The following MID1 variants were observed in gnomAD, a reference collection of about 807,000 sequenced individuals.
MID1 encodes the protein E3 ubiquitin-protein ligase Midline-1.
A neutral mutation model predicts 40.4 loss-of-function variants in MID1; 7 were observed. That is an observed-to-expected ratio of 0.17 (90% CI 0.10 to 0.33). MID1 has a LOEUF of 0.33. Among genes scored for constraint, MID1 ranks in the 10% least tolerant of loss-of-function variants. The pLI, the probability that MID1 is intolerant of heterozygous loss-of-function variation, is 1.00. For missense variants in MID1, 367 were observed against 558.5 expected (o/e 0.66, Z 3.46); for synonymous variants, 229 against 221.2 (o/e 1.04, Z -0.31).
chrX:10,488,232 C>T (rs1930730394), intron 4 of MID1, among the ~76,000 whole-genome samples: 1 of 111,180 alleles, frequency 9.0e-6, no homozygotes, highest in Non-Finnish European at 1.9e-5. Context: ...AATCCACCTG[C>T]CTCGGCCTCC....
chrX:10,795,703 G>A (rs114500944), intron 1 of MID1, among the ~76,000 whole-genome samples: 3,578 of 112,240 alleles, frequency 0.032, 122 homozygotes, highest in African/African-American at 0.11. Context: ...AAAACAAGTC[G>A]TTTGTCTCTG....
At chrX:10,725,206 T>C (rs904063631) in intron 1 of MID1, among the ~76,000 whole-genome samples, 2 of 111,791 alleles carry the variant, frequency 1.8e-5, no homozygotes, top group African/African-American at 6.5e-5. Flanking sequence ...CTGTGTTCAC[T>C]TCAGAGCACT....
At chrX:10,633,556 A>G (rs1221889255) in intron 1 of MID1, among the ~76,000 whole-genome samples, 1 of 110,545 alleles carries the variant, frequency 9.0e-6, no homozygotes, top group Non-Finnish European at 1.9e-5. Context: ...GGCCCAAGCA[A>G]TCCTCCTACC....
At chrX:10,506,931 T>C (rs1931870408) in intron 3 of MID1, among the ~76,000 whole-genome samples, 1 of 111,832 alleles carries the variant, frequency 8.9e-6, no homozygotes, top group African/African-American at 3.3e-5. Flanking sequence ...GTAGGCAAAG[T>C]TCCCTGAAAA....
At chrX:10,624,205 T>C (rs924127588), upstream of MID1, among the ~76,000 whole-genome samples, 3 of 112,175 alleles carry the variant, frequency 2.7e-5, no homozygotes, top group Non-Finnish European at 5.6e-5. Context: ...GATAAGCCAG[T>C]TGATACCTCT....
Position 10,636,765 on chromosome X carries a change from T to A in MID1, c.-186-16346A>T, listed in dbSNP as rs897295318. On this transcript the variant is annotated intron_variant, in intron 1 of 10. Coordinates refer to the MID1 transcript ENST00000380785. ...GACTATGGATTTGATGCTGACAAACTGGGCCATTCCAACAATGGGGATATA... is the reference window on the plus strand; with the variant it reads ...GACTATGGATTTGATGCTGACAAACAGGGCCATTCCAACAATGGGGATATA... Among the ~76,000 whole-genome samples the A allele has an allele frequency of 2.5e-4, 19 of 77,411 alleles. No homozygotes were observed. The East Asian group carries it at 3.7e-3, about 15-fold the overall frequency. 67.2% of individuals were successfully genotyped at this position (77,411 alleles called of 115,157 possible).
chrX:10,510,097 A>G (rs7064034), intron 3 of MID1, among the ~76,000 whole-genome samples: 6,538 of 111,736 alleles, frequency 0.059, 425 homozygotes, highest in African/African-American at 0.18. Flanking sequence ...CACTCTCGGG[A>G]GTCCTTGAAT....
Position 10,474,735 on chromosome X carries a change from A to G in MID1, c.1029T>C (p.Thr343=). 1 of 1,209,701 alleles carries G rather than the reference A, an allele frequency of 8.3e-7. No homozygotes were observed. The highest frequency in any genetic ancestry group is 1.1e-6 in the Non-Finnish European group (1 of 893,606). ...CAGGAATTAGAACCTGGGAGGATGC[A>G]GTTGCCATGGAGACTCTGTAATGCA... The part of the protein sequence containing the change: ...KNITERVSMA[T]ASSQVLIPEI... Residue 343 remains threonine (T), a synonymous_variant, in exon 6 of 10, where the codon ACT becomes ACC. Coordinates refer to ENST00000317552, the MANE Select transcript of MID1 (RefSeq NM_000381.4).
chrX:10,745,669 C>T (rs1018955335), intron 1 of MID1, among the ~76,000 whole-genome samples: 1 of 112,666 alleles, frequency 8.9e-6, no homozygotes, highest in Non-Finnish European at 1.9e-5. Flanking sequence ...ATGTTTGTAG[C>T]AACCCTTTAA....
At chrX:10,552,555 C>T (rs985279653) in intron 2 of MID1, among the ~76,000 whole-genome samples, 23 of 109,805 alleles carry the variant, frequency 2.1e-4, no homozygotes, top group Non-Finnish European at 4.2e-4. Flanking sequence ...AATAAATAGT[C>T]GTTATACTTT....
chrX:10,670,258 C>T (rs1312969183), intron 1 of MID1, among the ~76,000 whole-genome samples: 1 of 111,920 alleles, frequency 8.9e-6, no homozygotes, highest in Non-Finnish European at 1.9e-5. Flanking sequence ...TCATATCTTC[C>T]TGGTGATCTG....
At chrX:10,506,781 G>T (rs1244756756) in intron 3 of MID1, among the ~76,000 whole-genome samples, 1 of 111,859 alleles carries the variant, frequency 8.9e-6, no homozygotes, top group Non-Finnish European at 1.9e-5. Flanking sequence ...AATGACTTGT[G>T]ACTAACTGTG....
At chrX:10,481,140 A>G (rs1252465627) in intron 5 of MID1, among the ~76,000 whole-genome samples, 1 of 112,018 alleles carries the variant, frequency 8.9e-6, no homozygotes, top group African/African-American at 3.2e-5. Flanking sequence ...CTTTAGAGCT[A>G]GCTACAATGG....
rs752667884 is a variant in MID1 at position 10,536,445 on chromosome X, C to T, written c.661-13258G>A. ...TCACTGTATTTTGGAAGTGAACTAG[C>T]TCTCAGTTCCCTGAACTATATTTGA... On this transcript the variant is annotated intron_variant, in intron 2 of 9. Transcript: ENST00000317552. Among the ~76,000 whole-genome samples the T allele has an allele frequency of 6.2e-5, 7 of 112,929 alleles. No homozygotes were observed. In the South Asian group the frequency reaches 2.2e-3, roughly 35 times the overall value.
At chrX:10,660,087 T>G (rs929790247) in intron 1 of MID1, among the ~76,000 whole-genome samples, 1 of 112,054 alleles carries the variant, frequency 8.9e-6, no homozygotes, top group African/African-American at 3.2e-5. Context: ...CCCACAGTCG[T>G]GTCTCTCCCA....
At chrX:10,827,466 C>T (rs1198363747) in intron 1 of MID1, among the ~76,000 whole-genome samples, 1 of 91,494 alleles carries the variant, frequency 1.1e-5, no homozygotes, top group African/African-American at 4.3e-5. Context: ...ACCCCGCCCA[C>T]CAGCCAGAGA....
intron 1 of MID1, among the ~76,000 whole-genome samples, chrX:10,763,237 A>C (rs910256584): frequency 2.7e-5 from 3 of 109,173 alleles, no homozygotes; most frequent in Non-Finnish European, 5.7e-5. Context: ...ATATGTATAC[A>C]TGTGCCATGT....
At chrX:10,711,064 C>A (rs1373987404) in intron 1 of MID1, among the ~76,000 whole-genome samples, 2 of 111,466 alleles carry the variant, frequency 1.8e-5, no homozygotes, top group African/African-American at 6.5e-5. Flanking sequence ...CACATCCCCA[C>A]CCCCCAGCCT....
At chrX:10,714,455 T>A (rs1004777983) in intron 1 of MID1, among the ~76,000 whole-genome samples, 2 of 112,437 alleles carry the variant, frequency 1.8e-5, no homozygotes, top group African/African-American at 6.5e-5. Context: ...CACTGTGGCC[T>A]GTGTGCCAAA....
Sources: gnomAD v4.1 joint callset for allele counts (sites outside exome capture counted in the v4.1 genomes callset) on GRCh38, gnomAD v4.1.1 for gene constraint, MANE v1.5 for transcripts, NCBI Gene and HGNC (gene_info 2026-07-23, HGNC 2026-07-21) for gene names.